The following GNAS-AS1 variants were observed in gnomAD, a reference collection of about 807,000 sequenced individuals.
GNAS-AS1 encodes the protein GNAS antisense RNA 1 (non-protein coding).
At chr20:58,837,270 C>T (rs962549095) in intron 4 of GNAS-AS1, among the ~76,000 whole-genome samples, 7 of 152,076 alleles carry the variant, frequency 4.6e-5, no homozygotes, top group African/African-American at 1.7e-4. Flanking sequence ...GTGGGTGGGT[C>T]AGTGTAGGCA....
rs190550869 is a variant in GNAS-AS1, at chr20:58,835,450, T to C, written n.819+6487A>G. On this transcript the variant is annotated intron_variant and non_coding_transcript_variant, in intron 4 of 4. Transcript: ENST00000424094. The stretch of plus-strand genomic sequence containing the variant: ...CATGGCTTTGCACACGGTAGACACA[T>C]GGTTAGAAACAAGTGGATTGAAAGC... 2.7e-4 allele frequency among the ~76,000 whole-genome samples: 41 copies of C among 152,278 alleles called. 1 individual carries two copies. The highest frequency in any genetic ancestry group is 1.8e-3 in the Admixed American group (27 of 15,294).
At chr20:58,842,108 A>T (rs1448082866) in exon 4 of GNAS-AS1, 1 of 400,486 alleles carries the variant, frequency 2.5e-6, no homozygotes, top group African/African-American at 2.1e-5. Flanking sequence ...GGGTAGAGTT[A>T]AGTTTAATCT....
intron 4 of GNAS-AS1, among the ~76,000 whole-genome samples, chr20:58,835,800 T>G (rs1241186967): frequency 1.3e-5 from 2 of 152,226 alleles, no homozygotes; most frequent in Non-Finnish European, 2.9e-5. Context: ...ATAGCCAATT[T>G]CATTTGTAAT....
chr20:58,836,920 G>C (rs545703993), intron 4 of GNAS-AS1, among the ~76,000 whole-genome samples: 1 of 152,120 alleles, frequency 6.6e-6, no homozygotes, highest in South Asian at 2.1e-4. Flanking sequence ...AAAGCGCATT[G>C]CTAATGCAGA....
At chr20:58,839,785 G>A (rs1410487471) in intron 4 of GNAS-AS1, 1 of 570,272 alleles carries the variant, frequency 1.8e-6, no homozygotes, top group East Asian at 2.9e-5. Context: ...AGGACCGGCG[G>A]AGGCACCTCT....
chr20:58,831,979 G>A (rs137914964), intron 4 of GNAS-AS1, among the ~76,000 whole-genome samples: 151 of 152,246 alleles, frequency 9.9e-4, no homozygotes, highest in African/African-American at 3.4e-3. Flanking sequence ...GGGAACCGCT[G>A]ACTTAGTTCA....
rs1278106909 is a variant in GNAS-AS1 at position 58,840,105 on chromosome 20, G to A, written n.819+1832C>T. On this transcript the variant is annotated intron_variant and non_coding_transcript_variant, in intron 4 of 4. Coordinates refer to ENST00000424094, the Ensembl canonical transcript of GNAS-AS1. This position sits in a 1 kb window ranked among gnomAD's most constrained non-coding sequence, Gnocchi z 6.0. Reference sequence around the variant, plus strand: ...CCGGCTTCTCGGTGTGTGCCTAAGAGGATGGATCGGAGGTCCCGGGCTCAG... The same window carrying A: ...CCGGCTTCTCGGTGTGTGCCTAAGAAGATGGATCGGAGGTCCCGGGCTCAG... The A allele has an allele frequency of 3.1e-6, 5 of 1,610,454 alleles. No homozygotes were observed. Among genetic ancestry groups the A allele is most frequent in the Non-Finnish European group, 2.5e-6 (3 of 1,179,924 alleles).
chr20:58,829,668 C>A (rs990423959), intron 4 of GNAS-AS1, among the ~76,000 whole-genome samples: 1 of 152,230 alleles, frequency 6.6e-6, no homozygotes, highest in Admixed American at 6.5e-5. Context: ...CCCCCTGCTG[C>A]CACATGCTCA....
At chr20:58,829,852 G>A (rs1232684248) in intron 4 of GNAS-AS1, among the ~76,000 whole-genome samples, 4 of 152,032 alleles carry the variant, frequency 2.6e-5, no homozygotes, top group South Asian at 2.1e-4. Flanking sequence ...TCCTTAGCGC[G>A]ATGACTCATT....
intron 4 of GNAS-AS1, among the ~76,000 whole-genome samples, chr20:58,835,127 T>C (rs1335411056): frequency 6.7e-6 from 1 of 149,444 alleles, no homozygotes; most frequent in East Asian, 2.0e-4. Flanking sequence ...CTCGGTGGGG[T>C]TGAGCCTTAC....
At chr20:58,819,645 C>A (rs2085472090) in intron 4 of GNAS-AS1, among the ~76,000 whole-genome samples, 1 of 152,106 alleles carries the variant, frequency 6.6e-6, no homozygotes. Context: ...AGAAGCCAGG[C>A]TTAGATAAGC....
At chr20:58,844,051 A>G (rs1163517001) in intron 2 of GNAS-AS1, 1 of 152,222 alleles carries the variant, frequency 6.6e-6, no homozygotes. Flanking sequence ...GTTAAGGAGG[A>G]AGAAAGCTGA....
At chr20:58,844,017 T>C (rs1354836816) in intron 2 of GNAS-AS1, 1 of 152,236 alleles carries the variant, frequency 6.6e-6, no homozygotes, top group Non-Finnish European at 1.5e-5. Flanking sequence ...TCTTCAGCCT[T>C]CATTTTCTGC....
At chr20:58,820,643 T>C (rs935016905) in intron 4 of GNAS-AS1, among the ~76,000 whole-genome samples, 1 of 152,262 alleles carries the variant, frequency 6.6e-6, no homozygotes, top group Non-Finnish European at 1.5e-5. Flanking sequence ...AGAGGTTTAA[T>C]TGGACTTACA....
chr20:58,832,316 A>C (rs1023215942), intron 4 of GNAS-AS1, among the ~76,000 whole-genome samples: 9 of 152,224 alleles, frequency 5.9e-5, no homozygotes, highest in Non-Finnish European at 1.5e-5. Context: ...AGAAATAGTG[A>C]CCTGAACAGA....
At chr20:58,836,807 G>A (rs1349719062) in intron 4 of GNAS-AS1, among the ~76,000 whole-genome samples, 3 of 152,236 alleles carry the variant, frequency 2.0e-5, no homozygotes, top group Middle Eastern at 3.2e-3. Context: ...AGAGCCTGTG[G>A]TGAATGTACA....
intron 4 of GNAS-AS1, among the ~76,000 whole-genome samples, chr20:58,836,948 G>A (rs778135106): frequency 2.0e-5 from 3 of 152,116 alleles, no homozygotes; most frequent in South Asian, 2.1e-4. Flanking sequence ...CCAAATATAT[G>A]TATTATGTAA....
In GNAS-AS1 at chr20:58,840,274, G is replaced by A. The variant is rs1437493984; in HGVS notation, n.819+1663C>T. ...CCAACGCCCGTGCCCAGCAGCGCGC[G>A]GCTGCCCAACAGCGCCGGAGCTTCC... On this transcript the variant is annotated intron_variant and non_coding_transcript_variant, in intron 4 of 4. Transcript: ENST00000424094. This position sits in a 1 kb window ranked among gnomAD's most constrained non-coding sequence, Gnocchi z 6.0. 3 of 1,612,028 alleles carry A rather than the reference G, an allele frequency of 1.9e-6. No homozygotes were observed. The highest frequency in any genetic ancestry group is 2.2e-5 in the South Asian group (2 of 91,082).
At chr20:58,838,771 G>A (rs538761999) in intron 4 of GNAS-AS1, 9 of 376,820 alleles carry the variant, frequency 2.4e-5, no homozygotes, top group African/African-American at 1.9e-4. Context: ...ACAAAAATTA[G>A]CCGAGCGTAG....
Sources: allele counts gnomAD v4.1 joint callset (sites outside exome capture counted in the v4.1 genomes callset), GRCh38; gene constraint gnomAD v4.1.1; non-coding constraint Gnocchi (gnomAD v3.1); transcripts MANE v1.5; gene names NCBI Gene and HGNC (gene_info 2026-07-23, HGNC 2026-07-21).